The following MED13L variants were observed in gnomAD, a reference collection of about 807,000 sequenced individuals.
The protein encoded by MED13L is mediator of RNA polymerase II transcription subunit 13-like.
In MED13L, 7 loss-of-function variants were observed where a neutral mutation model predicts 220.9. The ratio of observed to expected loss-of-function variants is 0.03; its 90% confidence interval spans 0.02 to 0.06. The LOEUF (loss-of-function observed/expected upper bound fraction) is 0.06. Among genes scored for constraint, MED13L ranks in the 10% least tolerant of loss-of-function variants. The probability of loss-of-function intolerance (pLI) is 1.00; values close to 1 mark genes in which losing one functional copy is unlikely to be tolerated. For missense variants in MED13L, 1,965 were observed against 2,760.5 expected (o/e 0.71, Z 6.46); for synonymous variants, 1,011 against 1,015.2 (o/e 1.00, Z 0.08).
intron 1 of MED13L, among the ~76,000 whole-genome samples, chr12:116,271,607 CAG>C (rs969032749): frequency 2.8e-5 from 4 of 144,168 alleles, no homozygotes; most frequent in African/African-American, 1.0e-4. Flanking sequence ...GCCTGGGCCA[CAG>C]AGCCAGACTC....
chr12:116,146,881 A>C (rs971596964), intron 2 of MED13L, among the ~76,000 whole-genome samples: 1 of 148,874 alleles, frequency 6.7e-6, no homozygotes, highest in Non-Finnish European at 1.5e-5. Context: ...AATAATAATT[A>C]AAAAAAAAAG....
At chr12:116,261,542 C>T (rs910447461) in intron 1 of MED13L, among the ~76,000 whole-genome samples, 1 of 149,730 alleles carries the variant, frequency 6.7e-6, no homozygotes, top group Non-Finnish European at 1.5e-5. Context: ...TAAGTGCTAA[C>T]GTTTGTTTTC....
chr12:116,191,930 A>G (rs1286174857), intron 2 of MED13L, among the ~76,000 whole-genome samples: 1 of 152,226 alleles, frequency 6.6e-6, no homozygotes, highest in East Asian at 1.9e-4. Context: ...AGGGAAGGCA[A>G]AGAAGAGAAT....
In MED13L at chr12:116,007,605, T is replaced by C. The variant is rs1429175173; in HGVS notation, c.2044A>G (p.Ile682Val). The part of the protein sequence containing the change: ...LLAQPNKRFK[I>V]WQDKQPQLQP... Reference sequence around the variant, plus strand: ...AACTGGGGCTGTTTGTCTTGCCAGATTTTAAACCGTTTGTTAGGTTGTGCT... The same window carrying C: ...AACTGGGGCTGTTTGTCTTGCCAGACTTTAAACCGTTTGTTAGGTTGTGCT... The change falls in exon 11 of 31, where the codon ATC becomes GTC. Residue 682 changes from isoleucine to valine, a missense_variant. By Grantham distance (29) the Ile-to-Val change is conservative. Coordinates refer to ENST00000281928, the MANE Select transcript of MED13L (RefSeq NM_015335.5). The C allele has an allele frequency of 2.1e-5, 34 of 1,610,992 alleles. No individual in the cohort carries two copies. Among genetic ancestry groups the C allele is most frequent in the Non-Finnish European group, 2.6e-5 (31 of 1,179,178 alleles).
intron 4 of MED13L, among the ~76,000 whole-genome samples, chr12:116,046,892 G>C (rs900981704): frequency 3.3e-5 from 5 of 152,172 alleles, no homozygotes; most frequent in African/African-American, 4.8e-5. Flanking sequence ...AGAATGGCAT[G>C]AACCTGGGAG....
chr12:116,174,204 C>T (rs1220647498), intron 2 of MED13L, among the ~76,000 whole-genome samples: 1 of 152,136 alleles, frequency 6.6e-6, no homozygotes, highest in African/African-American at 2.4e-5. Flanking sequence ...ACGAAGGTTT[C>T]TTAGTGACTA....
intron 4 of MED13L, among the ~76,000 whole-genome samples, chr12:116,067,276 A>G (rs1241808796): frequency 6.6e-6 from 1 of 152,250 alleles, no homozygotes; most frequent in East Asian, 1.9e-4. Flanking sequence ...TCTAAGAAAT[A>G]CATCAACTGT....
At chr12:115,962,760 C>T (rs1875855410) in intron 30 of MED13L, 1 of 156,544 alleles carries the variant, frequency 6.4e-6, no homozygotes. Flanking sequence ...ATCGGTGGCT[C>T]ATGCCTGTAA....
In MED13L at chr12:116,031,719, A is replaced by AG. The variant is rs1166327374; in HGVS notation, c.480-9119dup. ...AGAAAAGAAAAGAAAAGAAAAGAAA[A>AG]GAAAAGAAAAGAAAAGAAAAGAAAA... On this transcript the variant is annotated intron_variant, in intron 4 of 30. Transcript: ENST00000281928. Among the ~76,000 whole-genome samples, 78 of 79,308 alleles carry AG rather than the reference A, an allele frequency of 9.8e-4. 1 individual carries two copies. Among genetic ancestry groups the AG allele is most frequent in the South Asian group, 3.8e-3 (8 of 2,110 alleles). 52.0% of individuals were successfully genotyped at this position (79,308 alleles called of 152,430 possible). A position where few individuals can be genotyped will look rare whatever the true frequency, so the allele number is the denominator to read the frequency against.
At chr12:116,105,138 A>T (rs1357313773) in intron 3 of MED13L, among the ~76,000 whole-genome samples, 2 of 152,128 alleles carry the variant, frequency 1.3e-5, no homozygotes, top group African/African-American at 4.8e-5. Flanking sequence ...ATGATTGCAG[A>T]TTTTTTTTCC....
chr12:116,211,779 G>C (rs1207106937), intron 2 of MED13L, among the ~76,000 whole-genome samples: 2 of 152,116 alleles, frequency 1.3e-5, no homozygotes, highest in African/African-American at 4.8e-5. Context: ...CATTTGTAAA[G>C]CTGTCCACTT....
chr12:116,243,846 C>A (rs1275386080), intron 1 of MED13L, among the ~76,000 whole-genome samples: 1 of 152,084 alleles, frequency 6.6e-6, no homozygotes, highest in Non-Finnish European at 1.5e-5. Context: ...CCTCAAGGCA[C>A]CTCAGATTCA....
Position 116,119,839 on chromosome 12 carries a change from ATAT to A in MED13L, c.311-8330_311-8328del, listed in dbSNP as rs1267997552. ...AAAAAAAAAAAAAAAAAAAAAAAAA[ATAT>A]ATATATATATATATATATATGAAAC... On this transcript the variant is annotated intron_variant, in intron 2 of 30. Transcript: ENST00000281928. 4.5e-3 allele frequency among the ~76,000 whole-genome samples: 219 copies of A among 49,172 alleles called. 1 individual carries two copies. Among genetic ancestry groups the A allele is most frequent in the African/African-American group, 0.02 (211 of 10,338 alleles). 32.3% of individuals were successfully genotyped at this position (49,172 alleles called of 152,430 possible). A position where few individuals can be genotyped will look rare whatever the true frequency, so the allele number is the denominator to read the frequency against.
At chr12:116,258,757 CAG>C (rs1158478515) in intron 1 of MED13L, among the ~76,000 whole-genome samples, 1 of 136,732 alleles carries the variant, frequency 7.3e-6, no homozygotes, top group Non-Finnish European at 1.5e-5. Context: ...GCCTGGGCGA[CAG>C]AGTGAGACTC....
chr12:116,103,474 T>G (rs1277210396), intron 3 of MED13L, among the ~76,000 whole-genome samples: 2 of 152,148 alleles, frequency 1.3e-5, no homozygotes, highest in Non-Finnish European at 2.9e-5. Flanking sequence ...TATTTAGAGA[T>G]GGGGGTCTCG....
chr12:116,157,573 T>A (rs1233361674), intron 2 of MED13L, among the ~76,000 whole-genome samples: 1 of 152,224 alleles, frequency 6.6e-6, no homozygotes, highest in Non-Finnish European at 1.5e-5. Context: ...CTTCTCAACA[T>A]AACTGAACTA....
chr12:116,228,794 CAATA>C (rs1431246788), intron 2 of MED13L, among the ~76,000 whole-genome samples: 1 of 152,100 alleles, frequency 6.6e-6, no homozygotes, highest in African/African-American at 2.4e-5. Flanking sequence ...TAAATTCTAC[CAATA>C]TTTAAACCTT....
intron 1 of MED13L, among the ~76,000 whole-genome samples, chr12:116,272,955 TAAC>T (rs557971935): frequency 1.3e-3 from 193 of 152,332 alleles, no homozygotes; most frequent in Non-Finnish European, 2.2e-3. Context: ...CATGTGCTAC[TAAC>T]AACAAAATGC....
chr12:116,096,166 C>A (rs1872617340), intron 4 of MED13L, among the ~76,000 whole-genome samples: 1 of 151,352 alleles, frequency 6.6e-6, no homozygotes, highest in Non-Finnish European at 1.5e-5. Context: ...CCAGCCTGGG[C>A]AACACAGCAA....
Sources: allele counts gnomAD v4.1 joint callset (sites outside exome capture counted in the v4.1 genomes callset), GRCh38; gene constraint gnomAD v4.1.1; transcripts MANE v1.5; gene names NCBI Gene and HGNC (gene_info 2026-07-23, HGNC 2026-07-21).